CFAP46: variants seen among roughly 807,000 people sequenced by gnomAD.
CFAP46 encodes cilia and flagella associated protein 46.
In CFAP46, 245 loss-of-function variants were observed where a neutral mutation model predicts 325.7. The ratio of observed to expected loss-of-function variants is 0.75; its 90% CI spans 0.68 to 0.84. The LOEUF (loss-of-function observed/expected upper bound fraction) is 0.84, where lower values mean the gene tolerates loss of function less well. CFAP46 is among the 40% of genes least tolerant of loss of function. The probability of loss-of-function intolerance (pLI) is 0.00; values close to 1 mark genes in which losing one functional copy is unlikely to be tolerated. For synonymous variants in CFAP46, 1,523 were observed against 1,495.9 expected (o/e 1.02, Z -0.42); for missense variants, 3,346 against 3,543.0 (o/e 0.94, Z 1.41).
chr10:132,909,553 A>C (rs978051715), intron 20 of CFAP46, among the ~76,000 whole-genome samples: 2 of 151,566 alleles, frequency 1.3e-5, no homozygotes, highest in Non-Finnish European at 2.9e-5. Flanking sequence ...CAACACCTGG[A>C]CCCTCCCCGC....
At chr10:132,915,055 G>A (rs1849615878) in intron 17 of CFAP46, among the ~76,000 whole-genome samples, 1 of 152,274 alleles carries the variant, frequency 6.6e-6, no homozygotes, top group African/African-American at 2.4e-5. Flanking sequence ...GACCAGGCTG[G>A]GCAAACTTTT....
intron 9 of CFAP46, among the ~76,000 whole-genome samples, chr10:132,928,117 C>T (rs528497481): frequency 6.6e-6 from 1 of 152,134 alleles, no homozygotes; most frequent in Non-Finnish European, 1.5e-5. Flanking sequence ...GGGGCCCACC[C>T]GAGAGCCTCA....
At chr10:132,910,247 C>T (rs1849521422) in intron 19 of CFAP46, among the ~76,000 whole-genome samples, 179 bp from the exon 20 acceptor site, 2 of 152,330 alleles carry the variant, frequency 1.3e-5, no homozygotes, top group South Asian at 2.1e-4. Context: ...TGAAGCCCCA[C>T]CCCCAGACGC....
At chr10:132,906,269 G>A (rs1357670568) in intron 22 of CFAP46, among the ~76,000 whole-genome samples, 1 of 152,228 alleles carries the variant, frequency 6.6e-6, no homozygotes, top group Non-Finnish European at 1.5e-5. Flanking sequence ...GCAGCCTCCT[G>A]AGCACTCGCA....
intron 4 of CFAP46, 24 bp from the exon 5 acceptor site, chr10:132,938,777 G>A: frequency 6.2e-7 from 1 of 1,604,726 alleles, no homozygotes; most frequent in Non-Finnish European, 8.5e-7. Context: ...AGAGGAAGCA[G>A]AGAGCACGCT....
chr10:132,832,397 C>CG lies in CFAP46; in HGVS notation c.7117+960_7117+961insC, dbSNP rs1848163412. On this transcript the variant is annotated intron_variant, in intron 50 of 57. Transcript: ENST00000368586. The surrounding 1 kb of genome is among the most constrained non-coding windows in gnomAD (Gnocchi z 4.1). ...CCCCTGGGCTCTTCCTGCCCCCCCC[C>CG]CCCAATGCTGTGGCCTGGAAATTCC... Among the ~76,000 whole-genome samples, 3 of 142,794 alleles carry CG rather than the reference C, an allele frequency of 2.1e-5. No individual in the cohort carries two copies. The highest frequency in any genetic ancestry group is 2.6e-4 in the South Asian group (1 of 3,838). The allele number at this position is 142,794 out of a possible 152,430, so 93.7% of individuals were successfully genotyped here.
chr10:132,927,196 C>T lies in CFAP46; in HGVS notation c.967-530G>A, dbSNP rs1048780156. Among the ~76,000 whole-genome samples the T allele has an allele frequency of 4.6e-5, 7 of 152,214 alleles. No individual in the cohort carries two copies. In the East Asian group the frequency reaches 7.7e-4, roughly 17 times the overall value. ...GGTGACACCCCTAAACCCGCCCTGG[C>T]GTGAGGGGTGCAGGTCTTCTGGACA... On this transcript the variant is annotated intron_variant, in intron 9 of 57. Coordinates refer to ENST00000368586, the MANE Select transcript of CFAP46 (RefSeq NM_001200049.3).
At chr10:132,878,225 C>T (rs903599554) in intron 29 of CFAP46, 138 bp from the exon 30 acceptor site, 32 of 804,864 alleles carry the variant, frequency 4.0e-5, no homozygotes, top group South Asian at 1.2e-4. Flanking sequence ...CTTGCGTCCC[C>T]GTCAGCTGCC....
chr10:132,812,547 G>A (rs1847601929), intron 55 of CFAP46, among the ~76,000 whole-genome samples: 2 of 152,142 alleles, frequency 1.3e-5, no homozygotes, highest in African/African-American at 2.4e-5. Context: ...AGGGCGGGAG[G>A]GCCAGAAGCC....
chr10:132,855,722 G>A (rs1316734517), intron 39 of CFAP46, among the ~76,000 whole-genome samples: 1 of 152,310 alleles, frequency 6.6e-6, no homozygotes, highest in Admixed American at 6.5e-5. Context: ...GGTATGTAGT[G>A]TATGATATCA....
At chr10:132,916,513 C>T (rs564355457) in intron 17 of CFAP46, 36 bp downstream of exon 17, 80 of 1,537,846 alleles carry the variant, frequency 5.2e-5, no homozygotes, top group South Asian at 1.9e-4. Context: ...CCCACGGCCC[C>T]GGGCGGTGCT....
At chr10:132,922,032 G>A in intron 13 of CFAP46, 72 bp downstream of exon 13, 4 of 1,494,914 alleles carry the variant, frequency 2.7e-6, no homozygotes, top group South Asian at 2.6e-5. Flanking sequence ...GGACTGGGGA[G>A]GCCCCGGGGC....
Position 132,869,388 on chromosome 10 carries a change from C to A in CFAP46, c.4512-16G>T. ...GTGGGCGAGGCTGTGGGGAGTGTGG[C>A]CGAAAGAGTCAGTGTTGCACGGGCG... On this transcript the variant is annotated splice_polypyrimidine_tract_variant and intron_variant, in intron 32 of 57. Transcript: ENST00000368586. This position sits in a 1 kb window ranked among gnomAD's most constrained non-coding sequence, Gnocchi z 6.2. The A allele has an allele frequency of 6.6e-7, 1 of 1,513,456 alleles. No homozygotes were observed. Among genetic ancestry groups the A allele is most frequent in the Non-Finnish European group, 8.8e-7 (1 of 1,129,950 alleles). The allele number at this position is 1,513,456 out of a possible 1,614,324, so 93.8% of individuals were successfully genotyped here.
intron 41 of CFAP46, among the ~76,000 whole-genome samples, chr10:132,848,100 T>A (rs1175140513): frequency 6.6e-6 from 1 of 152,104 alleles, no homozygotes. Context: ...CTGCACCACG[T>A]GCAGCCACTG....
At chr10:132,906,903 C>T (rs1289255384) in intron 22 of CFAP46, among the ~76,000 whole-genome samples, 1 of 152,238 alleles carries the variant, frequency 6.6e-6, no homozygotes, top group African/African-American at 2.4e-5. Context: ...ATGCCCCGTG[C>T]TGGGCACTGA....
intron 9 of CFAP46, 142 bp from the exon 10 acceptor site, chr10:132,926,808 TG>T: frequency 2.9e-6 from 2 of 687,578 alleles, no homozygotes; most frequent in Non-Finnish European, 5.1e-6. Flanking sequence ...AAGACACCTA[TG>T]ACGCAGAGGT....
Position 132,869,325 on chromosome 10 carries a change from C to T in CFAP46, c.4559G>A (p.Arg1520His), listed in dbSNP as rs1040656797. The T allele has an allele frequency of 1.5e-5, 23 of 1,538,962 alleles. No homozygotes were observed. Among genetic ancestry groups the T allele is most frequent in the Admixed American group, 2.0e-5 (1 of 50,826 alleles). ...SELKLREAAA[R>H]HEEAVGQVCV... ...CACCTGCCCGACCGCCTCTTCATGG[C>T]GCGCGGCTGCTTCTCTCAGCTTCAG... Residue 1520 changes from arginine to histidine, a missense_variant, in exon 33 of 58, where the codon CGC (arginine) becomes CAC (histidine). By Grantham distance (29) the Arg-to-His change is conservative. Coordinates refer to ENST00000368586, the MANE Select transcript of CFAP46 (RefSeq NM_001200049.3). The surrounding 1 kb of genome is among the most constrained non-coding windows in gnomAD (Gnocchi z 6.2).
At position 132,877,102 on chromosome 10, in the gene CFAP46, G is replaced by C. The variant is rs1848967458; in HGVS notation, c.4213-141C>G. ...CCTCCCCACCACCAGGTCCCAGCGA[G>C]TGCCCAGATCCAGCCTCTGATACTG... On this transcript the variant is annotated intron_variant, in intron 30 of 57. Coordinates refer to ENST00000368586, the MANE Select transcript of CFAP46 (RefSeq NM_001200049.3). This position sits in a 1 kb window ranked among gnomAD's most constrained non-coding sequence, Gnocchi z 5.7. 1 of 781,400 alleles carries C rather than the reference G, an allele frequency of 1.3e-6. No individual in the cohort carries two copies. Among genetic ancestry groups the C allele is most frequent in the Non-Finnish European group, 2.0e-6 (1 of 491,882 alleles). 48.4% of individuals were successfully genotyped at this position (781,400 alleles called of 1,614,324 possible).
Position 132,887,516 on chromosome 10 carries a change from TCTC to T in CFAP46, c.3305-1560_3305-1558del, listed in dbSNP as rs1418253021. ...TCTCGCCTATTTCCTCTCCTCTCTC[TCTC>T]CTCTCCTCTCTCCTCTCCCCTCTTC... On this transcript the variant is annotated intron_variant, in intron 25 of 57. Transcript: ENST00000368586. Among the ~76,000 whole-genome samples the T allele has an allele frequency of 1.4e-4, 15 of 103,602 alleles. 1 individual carries two copies. The East Asian group carries it at 4.9e-3, about 34-fold the overall frequency. 68.0% of individuals were successfully genotyped at this position (103,602 alleles called of 152,430 possible).
Sources: gnomAD v4.1 joint callset for allele counts (sites outside exome capture counted in the v4.1 genomes callset) on GRCh38, gnomAD v4.1.1 for gene constraint, Gnocchi (gnomAD v3.1) non-coding constraint, MANE v1.5 for transcripts, NCBI Gene and HGNC (gene_info 2026-07-23, HGNC 2026-07-21) for gene names.